TENM2: variants seen among roughly 807,000 people sequenced by gnomAD.
TENM2 encodes the protein teneurin-2.
TENM2 carries 52 observed loss-of-function variants against 245.2 expected under a neutral mutation model. The observed-to-expected ratio is 0.21, with a 90% CI of 0.17 to 0.27. The LOEUF (loss-of-function observed/expected upper bound fraction) is 0.27. Among genes scored for constraint, TENM2 ranks in the 10% least tolerant of loss-of-function variants. TENM2 has a pLI of 1.00. For missense variants in TENM2, 3,046 were observed against 3,666.8 expected (o/e 0.83, Z 4.37); for synonymous variants, 1,363 against 1,438.9 (o/e 0.95, Z 1.19).
At chr5:168,160,070 T>C (rs1757610646) in intron 12 of TENM2, among the ~76,000 whole-genome samples, 1 of 152,214 alleles carries the variant, frequency 6.6e-6, no homozygotes, top group Non-Finnish European at 1.5e-5. Flanking sequence ...ACCAAATAGA[T>C]ACCATGCTGA....
intron 22 of TENM2, 99 bp downstream of exon 24, chr5:168,217,021 A>G: frequency 7.6e-7 from 1 of 1,319,658 alleles, no homozygotes; most frequent in East Asian, 2.3e-5. Context: ...AATGGGAGGG[A>G]GAGATACAGA....
chr5:167,868,427 T>C (rs920733614), intron 2 of TENM2, among the ~76,000 whole-genome samples: 2 of 151,754 alleles, frequency 1.3e-5, no homozygotes, highest in African/African-American at 4.8e-5. Context: ...AAATACATAA[T>C]ATATATCTGT....
rs1440085789 is a variant in TENM2 at position 168,037,571 on chromosome 5, G to A, written c.1187-9856G>A. On this transcript the variant is annotated intron_variant, in intron 5 of 28. Coordinates refer to ENST00000518659, the Ensembl canonical transcript of TENM2. ...TTTTTTTTGGCTAATTTTATTAACAGGTTATTTTGTTCATGCCCTACCTTG... is the reference window on the plus strand; with the variant it reads ...TTTTTTTTGGCTAATTTTATTAACAAGTTATTTTGTTCATGCCCTACCTTG... Among the ~76,000 whole-genome samples, 27 of 126,582 alleles carry A rather than the reference G, an allele frequency of 2.1e-4. No individual in the cohort carries two copies. The Admixed American group carries it at 2.4e-3, about 11-fold the overall frequency. The allele number at this position is 126,582 out of a possible 152,430, so 83.0% of individuals were successfully genotyped here. A position where few individuals can be genotyped will look rare whatever the true frequency, so the allele number is the denominator to read the frequency against.
chr5:168,221,111 CA>C (rs11480110), intron 23 of TENM2, among the ~76,000 whole-genome samples: 122 of 129,374 alleles, frequency 9.4e-4, no homozygotes, highest in Non-Finnish European at 7.0e-4. Context: ...CACTCTGTCT[CA>C]AAAAAAAAAA....
intron 5 of TENM2, among the ~76,000 whole-genome samples, chr5:168,012,099 T>C (rs926210692): frequency 6.6e-6 from 1 of 152,196 alleles, no homozygotes; most frequent in Non-Finnish European, 1.5e-5. Context: ...GACTTTGACT[T>C]TATGTGTTCA....
rs1014360483 is a variant in TENM2 at position 167,660,440 on chromosome 5, G to A, written c.503-215546G>A. 7 of 142,674 alleles carry A rather than the reference G, an allele frequency of 4.9e-5. No homozygotes were observed. The South Asian group carries it at 1.6e-3, about 32-fold the overall frequency. 8.8% of individuals were successfully genotyped at this position (142,674 alleles called of 1,614,324 possible). ...AGATTGTGCCACTGCACTCCAGCCT[G>A]GGCGACAGAGCAAGGCTGTGTCTCA... On this transcript the variant is annotated intron_variant, in intron 2 of 28. Coordinates refer to ENST00000518659, the Ensembl canonical transcript of TENM2.
the TENM2 span, among the ~76,000 whole-genome samples, chr5:167,272,538 G>C: frequency 6.6e-6 from 1 of 152,186 alleles, no homozygotes; most frequent in South Asian, 2.1e-4. Flanking sequence ...TAGAATTATA[G>C]AATACCTTTA....
chr5:167,174,313 G>A, the TENM2 span, among the ~76,000 whole-genome samples: 1 of 152,046 alleles, frequency 6.6e-6, no homozygotes, highest in Non-Finnish European at 1.5e-5. Context: ...CACTTATGTA[G>A]GCATGAAGAT....
At chr5:167,474,316 A>C (rs1767228100) in intron 2 of TENM2, among the ~76,000 whole-genome samples, 1 of 152,136 alleles carries the variant, frequency 6.6e-6, no homozygotes, top group Non-Finnish European at 1.5e-5. Flanking sequence ...CAACGTTTTT[A>C]CCTAATATAG....
In TENM2 at chr5:167,347,721, C is replaced by G. The variant is rs547060371; in HGVS notation, c.227-27477C>G. On this transcript the variant is annotated intron_variant, in intron 1 of 28. Transcript: ENST00000518659. The stretch of plus-strand genomic sequence containing the variant: ...CCCTTCCTCCCTTCTTCCCTTCTTT[C>G]CTTTTTTCTTCCTCCTCCTGTCCTA... 9.2e-5 allele frequency among the ~76,000 whole-genome samples: 14 copies of G among 152,134 alleles called. No homozygotes were observed. The South Asian group carries it at 2.3e-3, about 25-fold the overall frequency.
At chr5:167,333,381 T>C (rs1458341991) in intron 1 of TENM2, among the ~76,000 whole-genome samples, 1 of 152,200 alleles carries the variant, frequency 6.6e-6, no homozygotes, top group Non-Finnish European at 1.5e-5. Flanking sequence ...GATTATTTAA[T>C]GAGATGATGT....
intron 2 of TENM2, among the ~76,000 whole-genome samples, chr5:167,585,905 A>C (rs1213438312): frequency 6.6e-6 from 1 of 152,114 alleles, no homozygotes; most frequent in Non-Finnish European, 1.5e-5. Flanking sequence ...CGGGTGGATC[A>C]CTTGAGTTTA....
intron 28 of TENM2, among the ~76,000 whole-genome samples, chr5:168,261,093 A>G (rs1768147151): frequency 6.6e-6 from 1 of 152,180 alleles, no homozygotes; most frequent in African/African-American, 2.4e-5. Context: ...GTAATTGAGA[A>G]CAGCGTTCAC....
At chr5:167,344,118 A>G (rs1758293344) in intron 1 of TENM2, among the ~76,000 whole-genome samples, 1 of 149,556 alleles carries the variant, frequency 6.7e-6, no homozygotes, top group Non-Finnish European at 1.5e-5. Context: ...GAACTTATAT[A>G]TCAGTTATAT....
intron 14 of TENM2, 38 bp downstream of exon 16, chr5:168,190,585 T>C (rs753091761): frequency 4.4e-6 from 7 of 1,573,384 alleles, no homozygotes; most frequent in East Asian, 2.3e-5. Context: ...CTGAAGTCTC[T>C]GATTTTCTTC....
intron 1 of TENM2, among the ~76,000 whole-genome samples, chr5:167,342,936 G>C (rs910888583): frequency 3.3e-5 from 5 of 151,628 alleles, no homozygotes; most frequent in African/African-American, 1.2e-4. Context: ...CATCTGATTG[G>C]AGGCAGAGTA....
At chr5:167,982,527 C>G (rs1047482288) in intron 4 of TENM2, among the ~76,000 whole-genome samples, 1 of 152,114 alleles carries the variant, frequency 6.6e-6, no homozygotes, top group African/African-American at 2.4e-5. Flanking sequence ...TATTCCTGTT[C>G]TTTTTCAGCC....
At chr5:167,146,736 T>C in the TENM2 span, among the ~76,000 whole-genome samples, 1 of 152,184 alleles carries the variant, frequency 6.6e-6, no homozygotes, top group Admixed American at 6.5e-5. Flanking sequence ...CTAGCCCTTA[T>C]GTCACACTGA....
chr5:168,159,285 C>G (rs1182392223), intron 12 of TENM2, among the ~76,000 whole-genome samples: 1 of 152,188 alleles, frequency 6.6e-6, no homozygotes, highest in Non-Finnish European at 1.5e-5. Context: ...GCAGCCAGCT[C>G]TCTCTAGCTC....
Sources: gnomAD v4.1 joint callset for allele counts (sites outside exome capture counted in the v4.1 genomes callset) on GRCh38, gnomAD v4.1.1 for gene constraint, MANE v1.5 for transcripts, NCBI Gene and HGNC (gene_info 2026-07-23, HGNC 2026-07-21) for gene names.